CCDC125: variants seen among roughly 807,000 people sequenced by gnomAD.
The protein encoded by CCDC125 is coiled-coil domain containing 125, also known as coiled-coil domain-containing protein 125.
In CCDC125, 43 loss-of-function variants were observed where a neutral mutation model predicts 57.4. The observed-to-expected ratio is 0.75, with a 90% CI of 0.59 to 0.97. The LOEUF is 0.97. Ranked by LOEUF, CCDC125 falls within the 50% of genes least tolerant of loss-of-function variation. The pLI is 0.00. For missense variants in CCDC125, 563 were observed against 595.7 expected (o/e 0.95, Z 0.57); for synonymous variants, 187 against 195.2 (o/e 0.96, Z 0.35).
chr5:69,322,532 T>C (rs996767683), intron 1 of CCDC125, among the ~76,000 whole-genome samples: 2 of 150,068 alleles, frequency 1.3e-5, no homozygotes, highest in Admixed American at 6.7e-5. Context: ...GAGACCAGCC[T>C]GGGCAACACA....
chr5:69,308,061 T>C (rs1435638017), intron 4 of CCDC125, 33 bp from the exon 5 acceptor site: 1 of 1,437,558 alleles, frequency 7.0e-7, no homozygotes, highest in Non-Finnish European at 9.8e-7. Flanking sequence ...CAGTATAAAT[T>C]AAATTTGTAA....
At chr5:69,315,567 G>C (rs1758930791) in intron 2 of CCDC125, among the ~76,000 whole-genome samples, 1 of 150,740 alleles carries the variant, frequency 6.6e-6, no homozygotes, top group Non-Finnish European at 1.5e-5. Flanking sequence ...GACCAGCCTG[G>C]CCTACATGGT....
intron 7 of CCDC125, among the ~76,000 whole-genome samples, chr5:69,302,498 G>A (rs1291385741): frequency 6.6e-6 from 1 of 150,412 alleles, no homozygotes; most frequent in Non-Finnish European, 1.5e-5. Flanking sequence ...GGCTGAGGCG[G>A]GCGGATCACG....
At chr5:69,305,535 T>C (rs1181953474) in intron 6 of CCDC125, among the ~76,000 whole-genome samples, 6 of 152,164 alleles carry the variant, frequency 3.9e-5, no homozygotes, top group African/African-American at 1.2e-4. Context: ...AGCATTCCAC[T>C]GAGGCTATAT....
chr5:69,321,819 G>A (rs1341695039), intron 1 of CCDC125, among the ~76,000 whole-genome samples: 1 of 152,110 alleles, frequency 6.6e-6, no homozygotes, highest in Non-Finnish European at 1.5e-5. Context: ...CCAATTATAA[G>A]TATTTAACAT....
intron 11 of CCDC125, among the ~76,000 whole-genome samples, chr5:69,283,253 T>A (rs532214299): frequency 1.6e-4 from 24 of 149,142 alleles, no homozygotes; most frequent in Admixed American, 4.8e-4. Flanking sequence ...GGAGTCTGGC[T>A]CTGTCACCCA....
At chr5:69,289,726 G>A (rs2150334326) in intron 10 of CCDC125, among the ~76,000 whole-genome samples, 1 of 151,812 alleles carries the variant, frequency 6.6e-6, no homozygotes, top group East Asian at 1.9e-4. Context: ...AGCCTGGCAT[G>A]GTGGCACATG....
chr5:69,293,111 T>C lies in CCDC125; in HGVS notation c.925-749A>G, dbSNP rs1455991084. Among the ~76,000 whole-genome samples the C allele has an allele frequency of 4.0e-5, 6 of 150,252 alleles. No homozygotes were observed. In the East Asian group the frequency reaches 1.2e-3, roughly 30 times the overall value. ...CCGCCTCGGCCTCCCAAAGTGCTGG[T>C]TTACAGGCATGAGCCACTGCGCCCG... On this transcript the variant is annotated intron_variant, in intron 9 of 11. Coordinates refer to ENST00000396496, the MANE Select transcript of CCDC125 (RefSeq NM_176816.5).
chr5:69,283,449 T>A (rs1752772325), intron 11 of CCDC125, among the ~76,000 whole-genome samples: 1 of 152,134 alleles, frequency 6.6e-6, no homozygotes, highest in African/African-American at 2.4e-5. Context: ...CTGAATCTCC[T>A]GACCTTGTGA....
downstream of CCDC125, among the ~76,000 whole-genome samples, chr5:69,278,479 C>G (rs906784009): frequency 3.3e-5 from 5 of 152,036 alleles, no homozygotes; most frequent in African/African-American, 1.2e-4. Context: ...TCCCAAAGTG[C>G]TGGGATTACA....
intron 9 of CCDC125, among the ~76,000 whole-genome samples, chr5:69,294,481 C>T (rs978481676): frequency 3.3e-5 from 5 of 152,038 alleles, no homozygotes; most frequent in Admixed American, 1.3e-4. Flanking sequence ...CTAGTAGAGA[C>T]GTGGTTTTAC....
At chr5:69,283,993 G>C (rs1752887028) in intron 11 of CCDC125, among the ~76,000 whole-genome samples, 1 of 149,560 alleles carries the variant, frequency 6.7e-6, no homozygotes, top group Non-Finnish European at 1.5e-5. Context: ...GTTTCACCGT[G>C]TTAGTCAGGA....
intron 9 of CCDC125, among the ~76,000 whole-genome samples, chr5:69,293,406 C>G (rs1754797384): frequency 6.6e-6 from 1 of 152,028 alleles, no homozygotes; most frequent in Non-Finnish European, 1.5e-5. Flanking sequence ...AATCCCAGCA[C>G]TTTGGGGGGC....
At chr5:69,323,759 T>C (rs2150638644) in intron 1 of CCDC125, 1 of 152,262 alleles carries the variant, frequency 6.6e-6, no homozygotes, top group East Asian at 1.9e-4. Context: ...GATCAACTAG[T>C]ATCACTGAGC....
intron 10 of CCDC125, among the ~76,000 whole-genome samples, chr5:69,290,158 AGG>A (rs1447846441): frequency 6.6e-6 from 1 of 151,974 alleles, no homozygotes; most frequent in Non-Finnish European, 1.5e-5. Flanking sequence ...AGCAAAGAAA[AGG>A]GGGAAAGCTT....
At chr5:69,290,233 AAAAT>A (rs1754174810) in intron 10 of CCDC125, among the ~76,000 whole-genome samples, 1 of 151,964 alleles carries the variant, frequency 6.6e-6, no homozygotes, top group Admixed American at 6.6e-5. Context: ...ATACTGTTTG[AAAAT>A]AAATATTTCA....
intron 8 of CCDC125, among the ~76,000 whole-genome samples, chr5:69,298,583 C>G (rs896226739): frequency 6.6e-6 from 1 of 152,108 alleles, no homozygotes; most frequent in Non-Finnish European, 1.5e-5. Context: ...GCAACTAAGA[C>G]CTGGGAAGGG....
chr5:69,311,539 C>G (rs1758144834), intron 3 of CCDC125, among the ~76,000 whole-genome samples: 1 of 152,114 alleles, frequency 6.6e-6, no homozygotes, highest in South Asian at 2.1e-4. Flanking sequence ...GTAATCCTAG[C>G]TACTCTGGAG....
rs1048592994 is a variant in CCDC125 at position 69,311,187 on chromosome 5, T to G, written c.384A>C (p.Lys128Asn). Reference protein sequence around the residue: ...NETLEEVEMLKTELEASQRQL... With the variant: ...NETLEEVEMLNTELEASQRQL... ...GTCTTTGAGATGCCTCAAGTTCAGT[T>G]TTTAACATTTCTACCTCCTGAGGAC... The change falls in exon 4 of 12, where the codon AAA becomes AAC. Residue 128 changes from lysine (K) to asparagine (N), a missense_variant. By Grantham distance (94) the Lys-to-Asn change is moderately conservative (BLOSUM62 0). Transcript: ENST00000396496. 2 of 1,607,836 alleles carry G rather than the reference T, an allele frequency of 1.2e-6. No homozygotes were observed. Among genetic ancestry groups the G allele is most frequent in the Non-Finnish European group, 1.7e-6 (2 of 1,175,390 alleles).
Sources: gnomAD v4.1 joint callset for allele counts (sites outside exome capture counted in the v4.1 genomes callset) on GRCh38, gnomAD v4.1.1 for gene constraint, MANE v1.5 for transcripts, NCBI Gene and HGNC (gene_info 2026-07-23, HGNC 2026-07-21) for gene names.